The following TERB1 variants were observed in gnomAD, a reference collection of about 807,000 sequenced individuals.
TERB1 encodes telomere repeats-binding bouquet formation protein 1.
TERB1 carries 63 observed loss-of-function variants against 92.3 expected under a neutral mutation model. The ratio of observed to expected loss-of-function variants is 0.68; its 90% CI spans 0.56 to 0.84. The LOEUF (loss-of-function observed/expected upper bound fraction) is 0.84. Ranked by LOEUF, TERB1 falls within the 40% of genes least tolerant of loss-of-function variation. The probability of loss-of-function intolerance (pLI) is 0.00; values close to 1 mark genes in which losing one functional copy is unlikely to be tolerated. For missense variants in TERB1, 709 were observed against 843.7 expected (o/e 0.84, Z 1.98); for synonymous variants, 252 against 283.9 (o/e 0.89, Z 1.13).
chr16:66,767,766 C>T (rs915152971), intron 15 of TERB1, among the ~76,000 whole-genome samples: 1 of 151,520 alleles, frequency 6.6e-6, no homozygotes, highest in South Asian at 2.1e-4. Context: ...CTCACTCTGT[C>T]GTCCAGGCTG....
chr16:66,786,299 C>T lies in TERB1; in HGVS notation c.401-14G>A. On this transcript the variant is annotated splice_polypyrimidine_tract_variant and intron_variant, in intron 6 of 18. Coordinates refer to ENST00000433154, the MANE Select transcript of TERB1 (RefSeq NM_001136505.2). ...TTTGTCCGGTCCCTTAAAAAAATAG[C>T]CATATAAAAATATGAGTTTTATTTA... is the stretch of plus-strand genomic sequence containing the variant. 2 of 1,527,864 alleles carry T rather than the reference C, an allele frequency of 1.3e-6. No homozygotes were observed. Among genetic ancestry groups the T allele is most frequent in the South Asian group, 1.2e-5 (1 of 80,444 alleles). 94.6% of individuals were successfully genotyped at this position (1,527,864 alleles called of 1,614,324 possible).
chr16:66,782,025 T>C (rs1280470454), intron 9 of TERB1, among the ~76,000 whole-genome samples: 1 of 152,182 alleles, frequency 6.6e-6, no homozygotes, highest in African/African-American at 2.4e-5. Flanking sequence ...TGTTAACGTT[T>C]TATATTTTTC....
intron 16 of TERB1, among the ~76,000 whole-genome samples, chr16:66,767,043 A>G (rs756062724): frequency 6.6e-6 from 1 of 152,180 alleles, no homozygotes; most frequent in African/African-American, 2.4e-5. Context: ...ATTCTAGTTA[A>G]TTACAATAAG....
At chr16:66,801,863 G>T (rs776262009), upstream of TERB1, among the ~76,000 whole-genome samples, 1 of 152,220 alleles carries the variant, frequency 6.6e-6, no homozygotes, top group Non-Finnish European at 1.5e-5. Context: ...GCTATGGGAC[G>T]GTGGCCGCGA....
chr16:66,775,694 CAT>C lies in TERB1; in HGVS notation c.986-453_986-452del, dbSNP rs2018536158. Among the ~76,000 whole-genome samples, 4 of 148,342 alleles carry C rather than the reference CAT, an allele frequency of 2.7e-5. No homozygotes were observed. The South Asian group carries it at 6.4e-4, about 24-fold the overall frequency. On this transcript the variant is annotated intron_variant, in intron 11 of 18. Coordinates refer to ENST00000433154, the MANE Select transcript of TERB1 (RefSeq NM_001136505.2). The stretch of plus-strand genomic sequence containing the variant: ...AACAAATTTTTAAAATAGAGAAACA[CAT>C]AGTTTCAAAAGGATTTTTTTTTTTT...
At chr16:66,763,690 G>C (rs999982658) in intron 16 of TERB1, among the ~76,000 whole-genome samples, 1 of 151,968 alleles carries the variant, frequency 6.6e-6, no homozygotes, top group Non-Finnish European at 1.5e-5. Flanking sequence ...GTTTACCCAC[G>C]TAACAAACCT....
intron 11 of TERB1, 37 bp from the exon 12 acceptor site, chr16:66,775,280 C>A: frequency 6.6e-7 from 1 of 1,512,776 alleles, no homozygotes; most frequent in Non-Finnish European, 9.0e-7. Flanking sequence ...TGTTTTTTAT[C>A]ATAAACTATC....
intron 14 of TERB1, among the ~76,000 whole-genome samples, chr16:66,769,108 A>AAAAAAAGAAAAAGAAAAAG (rs1567468672): frequency 6.6e-6 from 1 of 152,030 alleles, no homozygotes; most frequent in East Asian, 1.9e-4. Context: ...TTTCTCAAAA[A>AAAAAAAGAAAAAGAAAAAG]AAAAAAGAAA....
At chr16:66,774,343 G>A (rs1461020560) in intron 12 of TERB1, among the ~76,000 whole-genome samples, 1 of 151,604 alleles carries the variant, frequency 6.6e-6, no homozygotes. Context: ...CTGCCAACAC[G>A]CCCGGCTAAT....
chr16:66,787,108 C>A (rs2018741778), intron 6 of TERB1, among the ~76,000 whole-genome samples: 1 of 151,352 alleles, frequency 6.6e-6, no homozygotes, highest in Non-Finnish European at 1.5e-5. Flanking sequence ...AGAAGCATTT[C>A]TTTTTTTTGA....
At chr16:66,769,163 G>A (rs1291355419) in intron 14 of TERB1, among the ~76,000 whole-genome samples, 2 of 151,940 alleles carry the variant, frequency 1.3e-5, no homozygotes, top group African/African-American at 4.8e-5. Context: ...CTCTATAGGA[G>A]AAAGAAGGGT....
At chr16:66,769,121 GAAAAAGA>G (rs1443860328) in intron 14 of TERB1, among the ~76,000 whole-genome samples, 26 of 151,212 alleles carry the variant, frequency 1.7e-4, no homozygotes, top group African/African-American at 1.5e-4. Flanking sequence ...AAAAGAAAAA[GAAAAAGA>G]AAAAAGAAAA....
In TERB1 at chr16:66,790,647, G is replaced by A; in HGVS notation, c.219C>T (p.Ser73=). 1.3e-6 allele frequency: 2 copies of A among 1,550,404 alleles called. No homozygotes were observed. The highest frequency in any genetic ancestry group is 2.7e-5 in the African/African-American group (2 of 73,070). Residue 73 remains serine (S), a synonymous_variant, in exon 5 of 19, where the codon AGC becomes AGT. Coordinates refer to ENST00000433154, the MANE Select transcript of TERB1 (RefSeq NM_001136505.2). The part of the protein sequence containing the change: ...VKNLAKSSEH[S]MVKEAALYTL... ...TATATAAGGCTGCTTCTTTTACCAT[G>A]CTATGTTCACTTGACTTTGCAAGAT...
intron 3 of TERB1, among the ~76,000 whole-genome samples, chr16:66,791,401 C>CA (rs1214888644): frequency 3.3e-5 from 5 of 151,920 alleles, no homozygotes; most frequent in African/African-American, 1.2e-4. Flanking sequence ...TGAAAGGTCT[C>CA]AGATCAATGA....
intron 5 of TERB1, among the ~76,000 whole-genome samples, chr16:66,789,518 A>AGCTT: frequency 2.5e-5 from 1 of 40,054 alleles, no homozygotes; most frequent in South Asian, 1.3e-3. Context: ...TGGGAGGCGG[A>AGCTT]GCTTGCAGTG....
chr16:66,784,446 C>T (rs1172372208), intron 9 of TERB1, among the ~76,000 whole-genome samples: 2 of 151,852 alleles, frequency 1.3e-5, no homozygotes, highest in African/African-American at 2.4e-5. Context: ...ATTCTCCTGC[C>T]TCAGCCACCC....
chr16:66,791,708 C>T (rs1310065548), intron 3 of TERB1, among the ~76,000 whole-genome samples: 1 of 152,052 alleles, frequency 6.6e-6, no homozygotes, highest in Non-Finnish European at 1.5e-5. Flanking sequence ...GATTGAACAA[C>T]TTAGGTGAAA....
chr16:66,755,183 A>C lies in TERB1; in HGVS notation c.1997-20T>G. 1.4e-6 allele frequency: 2 copies of C among 1,412,206 alleles called. No homozygotes were observed. Among genetic ancestry groups the C allele is most frequent in the Non-Finnish European group, 2.0e-6 (2 of 1,024,850 alleles). 87.5% of individuals were successfully genotyped at this position (1,412,206 alleles called of 1,614,324 possible). A position where few individuals can be genotyped will look rare whatever the true frequency, so the allele number is the denominator to read the frequency against. Reference sequence around the variant, plus strand: ...TTTTTTCTATAATTAGAATTGTAGAATATATTAGTATTTGCTGAACAAAGG... The same window carrying C: ...TTTTTTCTATAATTAGAATTGTAGACTATATTAGTATTTGCTGAACAAAGG... On this transcript the variant is annotated intron_variant, in intron 18 of 18. Transcript: ENST00000433154.
At chr16:66,773,767 C>T (rs1007146263) in intron 12 of TERB1, among the ~76,000 whole-genome samples, 7 of 152,128 alleles carry the variant, frequency 4.6e-5, no homozygotes, top group Non-Finnish European at 7.4e-5. Context: ...TTTTGAGTTA[C>T]TGTCTATTTC....
Sources: gnomAD v4.1 joint callset for allele counts (sites outside exome capture counted in the v4.1 genomes callset) on GRCh38, gnomAD v4.1.1 for gene constraint, MANE v1.5 for transcripts, NCBI Gene and HGNC (gene_info 2026-07-23, HGNC 2026-07-21) for gene names.